FAM186B: variants seen among roughly 807,000 people sequenced by gnomAD.
The protein encoded by FAM186B is protein FAM186B.
A neutral mutation model predicts 83.4 loss-of-function variants in FAM186B; 68 were observed. The observed-to-expected ratio is 0.81, with a 90% confidence interval of 0.67 to 1.00. The LOEUF (loss-of-function observed/expected upper bound fraction) is 1.00. Among genes scored for constraint, FAM186B ranks in the 50% least tolerant of loss-of-function variants. The pLI is 0.00. For synonymous variants in FAM186B, 389 were observed against 422.0 expected, an observed-to-expected ratio of 0.92 and a Z score of 0.96; for missense variants, 983 against 1,099.2, an observed-to-expected ratio of 0.89 and a Z score of 1.49.
At chr12:49,593,672 G>C (rs369729687) in intron 5 of FAM186B, among the ~76,000 whole-genome samples, 1 of 150,932 alleles carries the variant, frequency 6.6e-6, no homozygotes, top group Non-Finnish European at 1.5e-5. Context: ...CATTTCATAA[G>C]GATAAAAGTC....
chr12:49,612,704 A>G, the FAM186B span, among the ~76,000 whole-genome samples: 29 of 152,282 alleles, frequency 1.9e-4, no homozygotes, highest in Middle Eastern at 3.4e-3. Context: ...ATATATATGC[A>G]CACAACATTG....
In FAM186B at chr12:49,600,594, C is replaced by T. The variant is rs1939863239; in HGVS notation, c.1046G>A (p.Arg349Lys). 1.2e-6 allele frequency: 2 copies of T among 1,612,288 alleles called. No homozygotes were observed. Among genetic ancestry groups the T allele is most frequent in the Non-Finnish European group, 1.7e-6 (2 of 1,179,088 alleles). Residue 349 changes from arginine to lysine, a missense_variant, in exon 4 of 7, where the codon AGG becomes AAG. Coordinates refer to ENST00000257894, the MANE Select transcript of FAM186B (RefSeq NM_032130.3). The surrounding 1 kb of genome is among the most constrained non-coding windows in gnomAD (Gnocchi z 4.3). The part of the protein sequence containing the change: ...PGPSERETLP[R>K]KETVMEESQQ... Reference sequence around the variant, plus strand: ...GCTTTCCTCCATGACTGTTTCTTTCCTTGGGAGGGTCTCTCTCTCAGAGGG... The same window carrying T: ...GCTTTCCTCCATGACTGTTTCTTTCTTTGGGAGGGTCTCTCTCTCAGAGGG...
chr12:49,614,433 C>T, the FAM186B span, among the ~76,000 whole-genome samples: 3 of 152,278 alleles, frequency 2.0e-5, no homozygotes, highest in South Asian at 6.2e-4. Context: ...TGCAACAACA[C>T]GGATGCAGCT....
chr12:49,621,041 TAAAAA>T, the FAM186B span, among the ~76,000 whole-genome samples: 3 of 151,668 alleles, frequency 2.0e-5, no homozygotes, highest in Non-Finnish European at 4.4e-5. Flanking sequence ...GTCAAAAAAA[TAAAAA>T]AAGAAAAGAA....
At chr12:49,596,561 A>G (rs1361941421) in intron 5 of FAM186B, among the ~76,000 whole-genome samples, 1 of 152,194 alleles carries the variant, frequency 6.6e-6, no homozygotes, top group African/African-American at 2.4e-5. Flanking sequence ...AGGGAAATGC[A>G]AATCAAAACC....
In FAM186B at chr12:49,599,716, T is replaced by G; in HGVS notation, c.1924A>C (p.Ile642Leu). Residue 642 changes from isoleucine (I) to leucine (L), a missense_variant, in exon 4 of 7, where the codon ATC (isoleucine) becomes CTC (leucine). Coordinates refer to ENST00000257894, the MANE Select transcript of FAM186B (RefSeq NM_032130.3). ...SASFPVTGTS[I>L]RRLTWPSLQI... ...AAAGAGGGCCAGGTCAGCCTTCGGA[T>G]GGATGTCCCAGTGACAGGAAAGGAG... 6.2e-7 allele frequency: 1 copy of G among 1,613,732 alleles called. No individual in the cohort carries two copies. Among genetic ancestry groups the G allele is most frequent in the Non-Finnish European group, 8.5e-7 (1 of 1,179,806 alleles).
At chr12:49,608,350 G>A (rs1172178792), upstream of FAM186B, among the ~76,000 whole-genome samples, 4 of 151,430 alleles carry the variant, frequency 2.6e-5, no homozygotes, top group South Asian at 2.1e-4. Flanking sequence ...AATTAGCTGG[G>A]TGTGGTGGTG....
the FAM186B span, among the ~76,000 whole-genome samples, chr12:49,612,730 T>C: frequency 1.3e-5 from 2 of 152,086 alleles, no homozygotes; most frequent in Non-Finnish European, 2.9e-5. Context: ...CTTAGATTCA[T>C]AAAACAAGTA....
At chr12:49,587,365 CT>C (rs1387533513), downstream of FAM186B, 2 of 552,070 alleles carry the variant, frequency 3.6e-6, no homozygotes, top group African/African-American at 3.8e-5. Context: ...GAAAAGCCCC[CT>C]GGTGGCCTCT....
At chr12:49,613,478 G>C in the FAM186B span, among the ~76,000 whole-genome samples, 85 of 149,216 alleles carry the variant, frequency 5.7e-4, no homozygotes, top group Non-Finnish European at 9.6e-4. Flanking sequence ...AGTGGGCCCA[G>C]ATCATGCCAC....
chr12:49,605,566 C>T lies in FAM186B; in HGVS notation c.-89G>A. On this transcript the variant is annotated 5_prime_UTR_variant, in exon 1 of 7. Transcript: ENST00000257894. ...TGTTGCCTGCTTTGGAGGTTAAGGG[C>T]ACCAGGGTGTCTCCTGGGTACCCTC... 1.4e-6 allele frequency: 2 copies of T among 1,422,282 alleles called. No individual in the cohort carries two copies. The highest frequency in any genetic ancestry group is 1.9e-6 in the Non-Finnish European group (2 of 1,048,002). The allele number at this position is 1,422,282 out of a possible 1,614,324, so 88.1% of individuals were successfully genotyped here.
downstream of FAM186B, among the ~76,000 whole-genome samples, chr12:49,585,240 A>C (rs4045142): frequency 6.6e-6 from 1 of 151,936 alleles, no homozygotes. Context: ...GGATGGTCTC[A>C]ATCTCCTGAC....
upstream of FAM186B, among the ~76,000 whole-genome samples, chr12:49,606,364 G>A (rs1018613003): frequency 2.0e-5 from 3 of 151,282 alleles, no homozygotes; most frequent in Middle Eastern, 3.4e-3. Context: ...GCATGGTGGC[G>A]CATGCCTGGG....
At chr12:49,619,446 C>A in the FAM186B span, 4 of 585,612 alleles carry the variant, frequency 6.8e-6, no homozygotes, top group Non-Finnish European at 9.4e-6. Flanking sequence ...GGTTTTGCAG[C>A]AATTGTTGCA....
At chr12:49,582,913 C>T (rs1407536068), downstream of FAM186B, 2 of 412,822 alleles carry the variant, frequency 4.8e-6, no homozygotes, top group South Asian at 3.4e-5. Flanking sequence ...TGTCTTCCAA[C>T]CCTCTTGGCT....
intron 5 of FAM186B, among the ~76,000 whole-genome samples, chr12:49,589,611 G>C (rs193281691): frequency 2.3e-4 from 35 of 152,064 alleles, no homozygotes; most frequent in Non-Finnish European, 4.0e-4. Flanking sequence ...TACATCTGTT[G>C]TAGAGAATCT....
intron 5 of FAM186B, among the ~76,000 whole-genome samples, chr12:49,597,547 G>A (rs373722292): frequency 1.3e-3 from 198 of 152,306 alleles, no homozygotes; most frequent in South Asian, 0.011. Flanking sequence ...AGCTCTATGT[G>A]TTGGATTATA....
intron 5 of FAM186B, among the ~76,000 whole-genome samples, chr12:49,596,056 G>A (rs1939714567): frequency 1.3e-5 from 2 of 152,186 alleles, no homozygotes; most frequent in African/African-American, 4.8e-5. Flanking sequence ...AGGCCATTAG[G>A]AATCCATTCT....
chr12:49,595,439 C>T (rs1592548680), intron 5 of FAM186B: 1 of 503,734 alleles, frequency 2.0e-6, no homozygotes, highest in African/African-American at 1.9e-5. Flanking sequence ...ACTATCTGTG[C>T]AGGTCCTACT....
Sources: allele counts gnomAD v4.1 joint callset (sites outside exome capture counted in the v4.1 genomes callset), GRCh38; gene constraint gnomAD v4.1.1; non-coding constraint Gnocchi (gnomAD v3.1); transcripts MANE v1.5; gene names NCBI Gene and HGNC (gene_info 2026-07-23, HGNC 2026-07-21).